HDAC9: variants seen among roughly 807,000 people sequenced by gnomAD.
The protein encoded by HDAC9 is histone deacetylase 9, also known as MEF-2 interacting transcription repressor (MITR) protein.
HDAC9 carries 41 observed loss-of-function variants against 139.4 expected under a neutral mutation model. That is an observed-to-expected ratio of 0.29 (90% CI 0.23 to 0.38). The LOEUF is 0.38. HDAC9 is among the 10% of genes least tolerant of loss of function. The probability of loss-of-function intolerance (pLI) is 1.00; values close to 1 mark genes in which losing one functional copy is unlikely to be tolerated. For missense variants in HDAC9, 1,147 were observed against 1,297.0 expected (o/e 0.88, Z 1.78); for synonymous variants, 517 against 476.2 (o/e 1.09, Z -1.12).
In HDAC9 at chr7:18,590,356, C is replaced by T. The variant is rs1384415350; in HGVS notation, c.285C>T (p.Ala95=). The T allele has an allele frequency of 6.2e-7, 1 of 1,612,332 alleles. No homozygotes were observed. Residue 95 remains alanine, a synonymous_variant, in exon 4 of 26, where the codon GCC becomes GCT. Transcript: ENST00000686413. ...EHIKLQQELL[A]IKQQQELLEK... is the part of the protein sequence containing the mutation. ...GCAAGTTGCAACAGGAACTTCTAGC[C>T]ATAAAACAGCAACAAGAACTCCTAG...
chr7:18,564,902 AC>A (rs1821781162), intron 2 of HDAC9, among the ~76,000 whole-genome samples: 1 of 151,954 alleles, frequency 6.6e-6, no homozygotes, highest in South Asian at 2.1e-4. Context: ...GAATGTAATG[AC>A]CACATCTTAG....
intron 1 of HDAC9, among the ~76,000 whole-genome samples, chr7:18,472,640 C>T (rs1033368534): frequency 5.3e-5 from 8 of 152,156 alleles, no homozygotes; most frequent in Admixed American, 2.0e-4. Context: ...AGACCGGCTC[C>T]TTCATGTTTT....
At chr7:18,967,036 A>G (rs1201024309) in intron 24 of HDAC9, among the ~76,000 whole-genome samples, 2 of 152,246 alleles carry the variant, frequency 1.3e-5, no homozygotes, top group Non-Finnish European at 2.9e-5. Flanking sequence ...AACTTGAACA[A>G]AATGTTTGTC....
intron 1 of HDAC9, among the ~76,000 whole-genome samples, chr7:18,140,472 T>C (rs1785820866): frequency 6.6e-6 from 1 of 152,166 alleles, no homozygotes; most frequent in Non-Finnish European, 1.5e-5. Context: ...AGATCCAGAT[T>C]TTATCCCATC....
intron 12 of HDAC9, among the ~76,000 whole-genome samples, chr7:18,701,775 A>G (rs902612283): frequency 2.0e-5 from 3 of 152,368 alleles, no homozygotes; most frequent in Non-Finnish European, 2.9e-5. Context: ...AGATTCCCAC[A>G]TATCTGTGAT....
chr7:18,631,815 A>G (rs879859345), intron 7 of HDAC9, among the ~76,000 whole-genome samples: 10 of 151,936 alleles, frequency 6.6e-5, no homozygotes, highest in Non-Finnish European at 1.5e-4. Flanking sequence ...TTCAAGCTCC[A>G]GTTCCAATAT....
chr7:18,648,126 C>A, intron 10 of HDAC9, 128 bp downstream of exon 10: 1 of 731,226 alleles, frequency 1.4e-6, no homozygotes, highest in Non-Finnish European at 2.2e-6. Context: ...TCCCTGATAC[C>A]TGGTACTGTG....
At chr7:18,200,456 G>T (rs1455647168) in intron 2 of HDAC9, among the ~76,000 whole-genome samples, 1 of 152,096 alleles carries the variant, frequency 6.6e-6, no homozygotes, top group East Asian at 1.9e-4. Flanking sequence ...TTGACTTGTG[G>T]GTTCTGTGTC....
intron 21 of HDAC9, among the ~76,000 whole-genome samples, chr7:18,874,015 T>A (rs911203394): frequency 6.6e-6 from 1 of 151,052 alleles, no homozygotes. Context: ...TTTTTTTTTT[T>A]AAGTTGGGAA....
intron 21 of HDAC9, among the ~76,000 whole-genome samples, chr7:18,867,914 C>G (rs933003381): frequency 5.3e-5 from 8 of 152,084 alleles, no homozygotes; most frequent in African/African-American, 1.9e-4. Context: ...TTCAGATCGT[C>G]TACTAATTTT....
chr7:18,089,369 A>G (rs1202297991), intron 1 of HDAC9, among the ~76,000 whole-genome samples: 3 of 152,182 alleles, frequency 2.0e-5, no homozygotes, highest in Non-Finnish European at 4.4e-5. Flanking sequence ...TTTGCAATTA[A>G]AAGGTAATTT....
chr7:18,551,605 C>G (rs576613118), intron 2 of HDAC9, among the ~76,000 whole-genome samples: 2 of 152,298 alleles, frequency 1.3e-5, no homozygotes, highest in South Asian at 4.1e-4. Flanking sequence ...TGTCTCTTAC[C>G]TCAGTGCAAA....
At chr7:18,519,513 A>G (rs1486687481) in intron 2 of HDAC9, among the ~76,000 whole-genome samples, 1 of 152,222 alleles carries the variant, frequency 6.6e-6, no homozygotes, top group African/African-American at 2.4e-5. Context: ...GTATCCGAGA[A>G]GATGATCAAT....
intron 16 of HDAC9, among the ~76,000 whole-genome samples, chr7:18,777,020 T>G (rs1308211616): frequency 1.1e-5 from 1 of 90,908 alleles, no homozygotes; most frequent in East Asian, 1.2e-3. Flanking sequence ...CAAGTTGAAT[T>G]TCTAGGCACA....
intron 13 of HDAC9, among the ~76,000 whole-genome samples, chr7:18,746,012 C>G (rs963526180): frequency 1.3e-5 from 2 of 150,910 alleles, no homozygotes; most frequent in African/African-American, 4.9e-5. Flanking sequence ...CCACCAGCAG[C>G]AGGCACACCA....
intron 6 of HDAC9, among the ~76,000 whole-genome samples, chr7:18,602,473 C>CTT (rs36120359): frequency 1.3e-4 from 20 of 150,254 alleles, no homozygotes; most frequent in South Asian, 2.1e-4. Flanking sequence ...TTAATTTTTA[C>CTT]TTTTTTTTTC....
At chr7:18,884,726 G>A (rs1032880129) in intron 22 of HDAC9, among the ~76,000 whole-genome samples, 1 of 152,150 alleles carries the variant, frequency 6.6e-6, no homozygotes, top group African/African-American at 2.4e-5. Flanking sequence ...GTCAGTTGGG[G>A]CTTCTGTTTC....
intron 25 of HDAC9, among the ~76,000 whole-genome samples, chr7:18,993,641 ATT>A (rs35714495): frequency 1.3e-5 from 2 of 150,682 alleles, no homozygotes; most frequent in African/African-American, 4.9e-5. Flanking sequence ...ATCTATAATT[ATT>A]TTTTTTTTAA....
intron 17 of HDAC9, among the ~76,000 whole-genome samples, chr7:18,814,485 T>A (rs940251987): frequency 1.3e-5 from 2 of 152,190 alleles, no homozygotes; most frequent in Non-Finnish European, 2.9e-5. Context: ...GCTTTTTTGA[T>A]ACCAGTGTTC....
Sources: gnomAD v4.1 joint callset for allele counts (sites outside exome capture counted in the v4.1 genomes callset) on GRCh38, gnomAD v4.1.1 for gene constraint, MANE v1.5 for transcripts, NCBI Gene and HGNC (gene_info 2026-07-23, HGNC 2026-07-21) for gene names.